The following ITPR2 variants were observed in gnomAD, a reference collection of about 807,000 sequenced individuals.
The protein encoded by ITPR2 is inositol 1,4,5-trisphosphate receptor type 2, also known as inositol 1,4,5-trisphosphate-gated calcium channel ITPR2.
Under a neutral mutation model 317.1 loss-of-function variants are expected in ITPR2, and 207 were observed. That is an observed-to-expected ratio of 0.65 (90% CI 0.58 to 0.73). ITPR2 has a LOEUF of 0.73. Ranked by LOEUF, ITPR2 falls within the 30% of genes least tolerant of loss-of-function variation. The pLI, the probability that ITPR2 is intolerant of heterozygous loss-of-function variation, is 0.00. For missense variants in ITPR2, 2,613 were observed against 3,284.0 expected (o/e 0.80, Z 4.99); for synonymous variants, 1,156 against 1,149.1 (o/e 1.01, Z -0.12).
chr12:26,510,959 C>T (rs1943330816), intron 37 of ITPR2, among the ~76,000 whole-genome samples: 1 of 152,166 alleles, frequency 6.6e-6, no homozygotes, highest in Non-Finnish European at 1.5e-5. Context: ...TAAAAAATCA[C>T]AAAAAGAACT....
chr12:26,772,538 G>GTATTATATGTATTATATA (rs1176192052), intron 2 of ITPR2, among the ~76,000 whole-genome samples: 6 of 130,054 alleles, frequency 4.6e-5, no homozygotes, highest in Non-Finnish European at 9.6e-5. Flanking sequence ...TATAATACAT[G>GTATTATATGTATTATATA]TATTATATAT....
chr12:26,722,934 A>C (rs1180503088), intron 4 of ITPR2, among the ~76,000 whole-genome samples: 3 of 152,170 alleles, frequency 2.0e-5, no homozygotes, highest in Admixed American at 2.0e-4. Context: ...TACTAAAGAA[A>C]GGCCAAGAAA....
chr12:26,707,588 A>G (rs1237251364), intron 9 of ITPR2, among the ~76,000 whole-genome samples: 1 of 152,126 alleles, frequency 6.6e-6, no homozygotes, highest in Non-Finnish European at 1.5e-5. Flanking sequence ...CTGAAGTGCA[A>G]TGGCACGATC....
At position 26,722,479 on chromosome 12, in the gene ITPR2, C is replaced by T. The variant is rs770765348; in HGVS notation, c.443G>A (p.Arg148His). Residue 148 changes from arginine to histidine, a missense_variant, in exon 5 of 57, where the codon CGT becomes CAT. Coordinates refer to ENST00000381340, the MANE Select transcript of ITPR2 (RefSeq NM_002223.4). The part of the protein sequence containing the change: ...LPALLEKNAM[R>H]VSLDAAGNEG... ...ATTTCCTGCAGCATCCAAGGACACACGCATGGCATTCTTCTCCAGTAAAGC... is the reference window on the plus strand; with the variant it reads ...ATTTCCTGCAGCATCCAAGGACACATGCATGGCATTCTTCTCCAGTAAAGC... The T allele has an allele frequency of 6.2e-7, 1 of 1,613,224 alleles. No individual in the cohort carries two copies. Among genetic ancestry groups the T allele is most frequent in the Non-Finnish European group, 8.5e-7 (1 of 1,179,424 alleles).
intron 49 of ITPR2, among the ~76,000 whole-genome samples, chr12:26,427,139 T>C (rs976928272): frequency 1.3e-5 from 2 of 152,124 alleles, no homozygotes; most frequent in African/African-American, 4.8e-5. Context: ...TAGGACATTA[T>C]GTTAGAAACC....
chr12:26,595,786 G>A (rs1213251362), intron 31 of ITPR2, among the ~76,000 whole-genome samples, 196 bp from the exon 32 acceptor site: 7 of 152,156 alleles, frequency 4.6e-5, no homozygotes, highest in African/African-American at 1.7e-4. Context: ...ACGGGGCCTA[G>A]TACTCCATCC....
chr12:26,578,804 C>T lies in ITPR2; in HGVS notation c.4539G>A (p.Leu1513=). The T allele has an allele frequency of 6.2e-7, 1 of 1,609,372 alleles. No homozygotes were observed. Among genetic ancestry groups the T allele is most frequent in the Non-Finnish European group, 8.5e-7 (1 of 1,176,654 alleles). ...QTHQPVFIQL[L]QSAFRIYNCT... ...AATTGTAAATTCTGAAGGCAGATTGCAGTAGCTGAATAAAAACTGGCTGAT... is the reference window on the plus strand; with the variant it reads ...AATTGTAAATTCTGAAGGCAGATTGTAGTAGCTGAATAAAAACTGGCTGAT... Residue 1513 remains leucine (L), a synonymous_variant, in exon 34 of 57, where the codon CTG becomes CTA. Transcript: ENST00000381340.
chr12:26,340,052 G>A (rs191811119), intron 56 of ITPR2, 115 bp downstream of exon 56: 24 of 1,008,426 alleles, frequency 2.4e-5, no homozygotes, highest in African/African-American at 4.9e-5. Flanking sequence ...TTTCTTTCTC[G>A]GAGTTTGCAA....
At chr12:26,501,331 T>C (rs1463028044) in intron 37 of ITPR2, among the ~76,000 whole-genome samples, 2 of 152,358 alleles carry the variant, frequency 1.3e-5, no homozygotes, top group East Asian at 3.9e-4. Flanking sequence ...TTTCAATACA[T>C]TAATGTAACA....
chr12:26,754,378 C>T (rs1044472167), intron 2 of ITPR2, among the ~76,000 whole-genome samples: 7 of 152,178 alleles, frequency 4.6e-5, no homozygotes, highest in African/African-American at 1.4e-4. Context: ...TGGAAAAAGT[C>T]AGCTCTTATC....
At chr12:26,659,901 G>A (rs1245781764) in intron 15 of ITPR2, among the ~76,000 whole-genome samples, 1 of 152,136 alleles carries the variant, frequency 6.6e-6, no homozygotes, top group Non-Finnish European at 1.5e-5. Flanking sequence ...TTAAAATAAT[G>A]GTAAAATGTC....
intron 13 of ITPR2, among the ~76,000 whole-genome samples, chr12:26,673,421 T>A (rs1361453475): frequency 2.7e-5 from 4 of 150,462 alleles, no homozygotes; most frequent in Admixed American, 2.6e-4. Context: ...ATCCAGCATA[T>A]AAACAGAACC....
intron 45 of ITPR2, among the ~76,000 whole-genome samples, chr12:26,470,831 G>C (rs1942276479): frequency 6.6e-6 from 1 of 152,162 alleles, no homozygotes; most frequent in Non-Finnish European, 1.5e-5. Flanking sequence ...GAAATAATCA[G>C]TGTGGCAGAC....
chr12:26,547,056 T>C (rs1944406921), intron 37 of ITPR2, among the ~76,000 whole-genome samples: 1 of 152,160 alleles, frequency 6.6e-6, no homozygotes, highest in Admixed American at 6.6e-5. Flanking sequence ...CAAATGGGAC[T>C]ATCTTAAACT....
At chr12:26,571,399 A>G (rs1460121524) in intron 34 of ITPR2, among the ~76,000 whole-genome samples, 1 of 152,258 alleles carries the variant, frequency 6.6e-6, no homozygotes, top group African/African-American at 2.4e-5. Flanking sequence ...GCAATAGATG[A>G]TAGGAAGTAT....
chr12:26,771,328 C>A (rs532622550), intron 2 of ITPR2, among the ~76,000 whole-genome samples: 15 of 152,128 alleles, frequency 9.9e-5, no homozygotes, highest in Admixed American at 7.9e-4. Context: ...CCTTTTACCC[C>A]CTTTCTACCA....
At chr12:26,607,253 C>A (rs531047000) in intron 26 of ITPR2, among the ~76,000 whole-genome samples, 1 of 152,136 alleles carries the variant, frequency 6.6e-6, no homozygotes, top group Middle Eastern at 3.2e-3. Context: ...CCACCCACCC[C>A]CTAACTTCAG....
chr12:26,556,170 G>A (rs182322277), intron 36 of ITPR2, 63 bp downstream of exon 36: 88 of 1,542,064 alleles, frequency 5.7e-5, no homozygotes, highest in East Asian at 4.8e-4. Context: ...AGTATAAAGC[G>A]GAAATGTTAG....
intron 45 of ITPR2, among the ~76,000 whole-genome samples, chr12:26,473,884 G>T (rs59178121): frequency 1.3e-3 from 197 of 152,198 alleles, no homozygotes; most frequent in African/African-American, 4.6e-3. Flanking sequence ...GCTTTCAGTT[G>T]CTCAGCAGCT....
Sources: allele counts gnomAD v4.1 joint callset (sites outside exome capture counted in the v4.1 genomes callset), GRCh38; gene constraint gnomAD v4.1.1; transcripts MANE v1.5; gene names NCBI Gene and HGNC (gene_info 2026-07-23, HGNC 2026-07-21).